SH3GL3: variants seen among roughly 807,000 people sequenced by gnomAD.
SH3GL3 encodes the protein endophilin-A3.
SH3GL3 carries 33 observed loss-of-function variants against 47.7 expected under a neutral mutation model. That is an observed-to-expected ratio of 0.69 (90% CI 0.52 to 0.92). SH3GL3 has a LOEUF of 0.92. Among genes scored for constraint, SH3GL3 ranks in the 40% least tolerant of loss-of-function variants. The pLI is 0.00. For missense variants in SH3GL3, 363 were observed against 417.8 expected, an observed-to-expected ratio of 0.87 and a Z score of 1.14; for synonymous variants, 155 against 148.8, an observed-to-expected ratio of 1.04 and a Z score of -0.30.
At chr15:83,489,172 T>C (rs920593427) in intron 1 of SH3GL3, 2 of 152,204 alleles carry the variant, frequency 1.3e-5, no homozygotes. Flanking sequence ...AGGTGTTACA[T>C]CTTTTGTGAC....
chr15:83,522,666 C>G lies in SH3GL3; in HGVS notation c.46-36587C>G, dbSNP rs564348464. Among the ~76,000 whole-genome samples, 113 of 152,180 alleles carry G rather than the reference C, an allele frequency of 7.4e-4. 1 individual carries two copies. The highest frequency in any genetic ancestry group is 2.6e-3 in the African/African-American group (108 of 41,526). On this transcript the variant is annotated intron_variant, in intron 1 of 8. Coordinates refer to ENST00000427482, the MANE Select transcript of SH3GL3 (RefSeq NM_003027.5). ...GTCATTATAGCTGCTTTTTGAAAAG[C>G]AAAATTACTAAATTTCTTAAGTCAA... is the stretch of plus-strand genomic sequence containing the variant.
chr15:83,501,667 AGATC>A (rs1309722785), intron 1 of SH3GL3, among the ~76,000 whole-genome samples: 1 of 152,158 alleles, frequency 6.6e-6, no homozygotes, highest in Non-Finnish European at 1.5e-5. Flanking sequence ...CTAGGCAGGC[AGATC>A]ACCTGAGGTC....
chr15:83,552,467 T>A (rs921592163), intron 1 of SH3GL3, among the ~76,000 whole-genome samples: 1 of 152,212 alleles, frequency 6.6e-6, no homozygotes, highest in South Asian at 2.1e-4. Context: ...GGTTCCTAAC[T>A]TAATTGCATT....
chr15:83,475,028 T>C (rs750445918), intron 1 of SH3GL3, among the ~76,000 whole-genome samples: 30 of 151,392 alleles, frequency 2.0e-4, no homozygotes, highest in Non-Finnish European at 3.7e-4. Flanking sequence ...AGGTATTCTC[T>C]CGAATGTTAT....
intron 2 of SH3GL3, among the ~76,000 whole-genome samples, chr15:83,562,015 C>A (rs1445223852): frequency 7.0e-6 from 1 of 143,152 alleles, no homozygotes; most frequent in Non-Finnish European, 1.5e-5. Context: ...TTGACTTGAA[C>A]AGACACACAC....
intron 1 of SH3GL3, among the ~76,000 whole-genome samples, chr15:83,550,653 G>C (rs1163685903): frequency 6.6e-6 from 1 of 152,168 alleles, no homozygotes; most frequent in Non-Finnish European, 1.5e-5. Context: ...GCCTTCCAAA[G>C]TGCTGAGATT....
the SH3GL3 span, among the ~76,000 whole-genome samples, chr15:83,624,025 G>A: frequency 6.6e-6 from 1 of 152,136 alleles, no homozygotes. Context: ...GACCTCAGGT[G>A]ATCCGCCCAC....
intron 1 of SH3GL3, among the ~76,000 whole-genome samples, chr15:83,525,292 G>T (rs1349955978): frequency 6.6e-6 from 1 of 151,186 alleles, no homozygotes; most frequent in African/African-American, 2.4e-5. Context: ...TTAGCCACTT[G>T]TATATCTTCT....
chr15:83,447,632 C>G lies in SH3GL3; in HGVS notation c.45+54C>G. Reference sequence around the variant, plus strand: ...GAGGGGGACGCGGAGGCTGCGGCCCCCCGAGGCTCCCGGGCCTTTGGGACT... The same window carrying G: ...GAGGGGGACGCGGAGGCTGCGGCCCGCCGAGGCTCCCGGGCCTTTGGGACT... On this transcript the variant is annotated intron_variant, in intron 1 of 8. Transcript: ENST00000427482. This position sits in a 1 kb window ranked among gnomAD's most constrained non-coding sequence, Gnocchi z 5.1. 1 of 1,317,280 alleles carries G rather than the reference C, an allele frequency of 7.6e-7. No individual in the cohort carries two copies. The highest frequency in any genetic ancestry group is 1.0e-6 in the Non-Finnish European group (1 of 975,066). 81.6% of individuals were successfully genotyped at this position (1,317,280 alleles called of 1,614,324 possible). A position where few individuals can be genotyped will look rare whatever the true frequency, so the allele number is the denominator to read the frequency against.
At chr15:83,607,329 T>A (rs1180741440) in intron 8 of SH3GL3, among the ~76,000 whole-genome samples, 1 of 152,196 alleles carries the variant, frequency 6.6e-6, no homozygotes, top group Non-Finnish European at 1.5e-5. Flanking sequence ...CAGGCAACAG[T>A]GATGTTGCAC....
At chr15:83,565,257 C>T in intron 3 of SH3GL3, 51 bp downstream of exon 3, 1 of 983,674 alleles carries the variant, frequency 1.0e-6, no homozygotes, top group South Asian at 1.3e-5. Context: ...CTCTAATAAC[C>T]CATGTTTACT....
At chr15:83,533,708 T>G (rs1457689885) in intron 1 of SH3GL3, among the ~76,000 whole-genome samples, 2 of 152,136 alleles carry the variant, frequency 1.3e-5, no homozygotes, top group Non-Finnish European at 1.5e-5. Flanking sequence ...CAGAGTTTCT[T>G]GCCCTCTGGG....
At chr15:83,607,881 C>T (rs1023622428) in intron 8 of SH3GL3, among the ~76,000 whole-genome samples, 17 of 108,574 alleles carry the variant, frequency 1.6e-4, no homozygotes, top group Admixed American at 1.9e-4. Context: ...AATAATAATA[C>T]AAACAACAAC....
rs71156081 is a variant in SH3GL3, at chr15:83,448,442, ATGTG to A, written c.45+900_45+903del. Among the ~76,000 whole-genome samples, 26,822 of 140,552 alleles carry A rather than the reference ATGTG, an allele frequency of 0.19. 2,739 individuals carry two copies. The highest frequency in any genetic ancestry group is 0.42 in the South Asian group (1,802 of 4,290). 92.2% of individuals were successfully genotyped at this position (140,552 alleles called of 152,430 possible). On this transcript the variant is annotated intron_variant, in intron 1 of 8. Coordinates refer to ENST00000427482, the MANE Select transcript of SH3GL3 (RefSeq NM_003027.5). This position sits in a 1 kb window ranked among gnomAD's most constrained non-coding sequence, Gnocchi z 4.2. ...AAACAGGAGGGGAGACATGAAATTG[ATGTG>A]TGTGTGTGTGTGTGTGTGTGTGTGT...
chr15:83,592,663 T>C (rs962385538), intron 8 of SH3GL3, among the ~76,000 whole-genome samples: 1 of 152,234 alleles, frequency 6.6e-6, no homozygotes, highest in Non-Finnish European at 1.5e-5. Context: ...CCCCAGAGAA[T>C]GTATTTTAAG....
intron 1 of SH3GL3, among the ~76,000 whole-genome samples, chr15:83,556,250 T>G (rs2044953639): frequency 6.6e-6 from 1 of 152,212 alleles, no homozygotes; most frequent in South Asian, 2.1e-4. Context: ...ACAAACAATA[T>G]TTGTTCATTG....
intron 1 of SH3GL3, among the ~76,000 whole-genome samples, chr15:83,481,274 C>CA (rs5814148): frequency 0.017 from 1,932 of 116,140 alleles, 28 homozygotes; most frequent in African/African-American, 0.049. Flanking sequence ...CATTCTGTCT[C>CA]AAAAAAAAAA....
intron 1 of SH3GL3, among the ~76,000 whole-genome samples, chr15:83,497,704 T>C (rs2042136786): frequency 3.9e-5 from 6 of 152,214 alleles, no homozygotes; most frequent in Admixed American, 3.9e-4. Context: ...TTTCACTTCC[T>C]GATCACGTAT....
intron 1 of SH3GL3, among the ~76,000 whole-genome samples, chr15:83,464,432 T>A (rs2040466780): frequency 6.6e-6 from 1 of 152,192 alleles, no homozygotes; most frequent in South Asian, 2.1e-4. Flanking sequence ...ATCTATACAT[T>A]GATTTCTCTC....
Sources: gnomAD v4.1 joint callset for allele counts (sites outside exome capture counted in the v4.1 genomes callset) on GRCh38, gnomAD v4.1.1 for gene constraint, Gnocchi (gnomAD v3.1) non-coding constraint, MANE v1.5 for transcripts, NCBI Gene and HGNC (gene_info 2026-07-23, HGNC 2026-07-21) for gene names.